SLC4A10: variants seen among roughly 807,000 people sequenced by gnomAD.
SLC4A10 encodes solute carrier family 4 member 10, also known as sodium-driven chloride bicarbonate exchanger.
A neutral mutation model predicts 137.7 loss-of-function variants in SLC4A10; 42 were observed. The observed-to-expected ratio is 0.30, with a 90% CI of 0.24 to 0.39. The LOEUF (loss-of-function observed/expected upper bound fraction) is 0.39. Among genes scored for constraint, SLC4A10 ranks in the 10% least tolerant of loss-of-function variants. The probability of loss-of-function intolerance (pLI) is 1.00; values close to 1 mark genes in which losing one functional copy is unlikely to be tolerated. For missense variants in SLC4A10, 925 were observed against 1,355.0 expected (o/e 0.68, Z 4.98); for synonymous variants, 474 against 464.1 (o/e 1.02, Z -0.27).
chr2:161,710,702 G>A (rs537951020), intron 1 of SLC4A10: 48 of 455,442 alleles, frequency 1.1e-4, no homozygotes, highest in South Asian at 6.7e-4. Flanking sequence ...GGCTGCCTTC[G>A]TTTATACTAT....
chr2:161,764,031 A>G (rs2050539100), intron 1 of SLC4A10, among the ~76,000 whole-genome samples: 1 of 152,132 alleles, frequency 6.6e-6, no homozygotes, highest in Non-Finnish European at 1.5e-5. Flanking sequence ...ATAAACTGGC[A>G]AAAATATAAA....
intron 1 of SLC4A10, among the ~76,000 whole-genome samples, chr2:161,733,906 G>T (rs918164812): frequency 1.3e-5 from 2 of 152,160 alleles, no homozygotes; most frequent in African/African-American, 4.8e-5. Context: ...TTTATGATTT[G>T]ACTGCCCTGA....
chr2:161,666,641 T>C (rs2105753364), intron 1 of SLC4A10, among the ~76,000 whole-genome samples: 1 of 151,874 alleles, frequency 6.6e-6, no homozygotes, highest in South Asian at 2.1e-4. Flanking sequence ...TATGAATAAT[T>C]CATGAGCTAG....
At chr2:161,774,365 T>A (rs1474967404) in intron 2 of SLC4A10, among the ~76,000 whole-genome samples, 1 of 151,964 alleles carries the variant, frequency 6.6e-6, no homozygotes, top group Admixed American at 6.6e-5. Context: ...CTTTTTAGTA[T>A]AGGTACATCC....
Position 161,909,872 on chromosome 2 carries a change from T to C in SLC4A10, c.1997+3985T>C, listed in dbSNP as rs79225049. ...TCTCATGAAGTCCAGATGACACTTT[T>C]AGTGGCTTTCTTGTTACTGTGACCT... On this transcript the variant is annotated intron_variant, in intron 15 of 26. Coordinates refer to ENST00000446997, the MANE Select transcript of SLC4A10 (RefSeq NM_001178015.2). Among the ~76,000 whole-genome samples the C allele has an allele frequency of 5.7e-3, 862 of 152,314 alleles. 30 individuals are homozygous for C. The East Asian group carries it at 0.084, about 15-fold the overall frequency.
chr2:161,732,280 G>T (rs772118754), intron 1 of SLC4A10, among the ~76,000 whole-genome samples: 48 of 152,118 alleles, frequency 3.2e-4, no homozygotes, highest in Non-Finnish European at 6.0e-4. Context: ...TTCTGCCTTG[G>T]TCTTTCCAGT....
chr2:161,914,530 A>G lies in SLC4A10; in HGVS notation c.1997+8643A>G, dbSNP rs186100884. On this transcript the variant is annotated intron_variant, in intron 15 of 26. Coordinates refer to ENST00000446997, the MANE Select transcript of SLC4A10 (RefSeq NM_001178015.2). ...AATATATCACTTCTCTCTTCATTAC[A>G]AATGTAACTGGTATCTTCATGGTCT... 3.0e-3 allele frequency among the ~76,000 whole-genome samples: 453 copies of G among 152,298 alleles called. 8 individuals are homozygous for G. Among genetic ancestry groups the G allele is most frequent in the East Asian group, 0.013 (69 of 5,180 alleles).
At chr2:161,764,285 A>T (rs2050569510) in intron 1 of SLC4A10, among the ~76,000 whole-genome samples, 5 of 152,126 alleles carry the variant, frequency 3.3e-5, no homozygotes. Flanking sequence ...TCTTTTTTTA[A>T]AGAAAGGAGA....
intron 1 of SLC4A10, among the ~76,000 whole-genome samples, chr2:161,652,859 C>CTTTTT (rs10692553): frequency 1.2e-3 from 188 of 151,014 alleles, no homozygotes; most frequent in Non-Finnish European, 2.2e-3. Context: ...ACATTCTTTT[C>CTTTTT]TTTTAAGTAT....
chr2:161,738,414 G>T (rs1470592839), intron 1 of SLC4A10, among the ~76,000 whole-genome samples: 2 of 152,046 alleles, frequency 1.3e-5, no homozygotes, highest in African/African-American at 4.8e-5. Flanking sequence ...GAGGATTTAT[G>T]GACAGAAAAC....
chr2:161,742,939 CT>C (rs1243594725), intron 1 of SLC4A10, among the ~76,000 whole-genome samples: 1 of 152,054 alleles, frequency 6.6e-6, no homozygotes, highest in Non-Finnish European at 1.5e-5. Flanking sequence ...CTACTTAGAT[CT>C]TTTGCCCATT....
In SLC4A10 at chr2:161,860,575, G is replaced by A. The variant is rs1327608837; in HGVS notation, c.578-2299G>A. 2.6e-5 allele frequency among the ~76,000 whole-genome samples: 4 copies of A among 152,190 alleles called. No individual in the cohort carries two copies. In the East Asian group the frequency reaches 5.8e-4, roughly 22 times the overall value. On this transcript the variant is annotated intron_variant, in intron 5 of 26. Coordinates refer to ENST00000446997, the MANE Select transcript of SLC4A10 (RefSeq NM_001178015.2). ...CATCTTAGCAAGGTTTCAGTGTAAT[G>A]TCATATACGTTGACAATTTATTATT...
chr2:161,800,239 G>A (rs184434024), intron 2 of SLC4A10, among the ~76,000 whole-genome samples: 1 of 152,140 alleles, frequency 6.6e-6, no homozygotes, highest in South Asian at 2.1e-4. Flanking sequence ...ATGAATTTTA[G>A]CAGTTTTAGT....
chr2:161,932,561 A>G (rs1690597260), intron 15 of SLC4A10, among the ~76,000 whole-genome samples: 1 of 152,150 alleles, frequency 6.6e-6, no homozygotes, highest in Non-Finnish European at 1.5e-5. Context: ...TATTTCTATT[A>G]GGACTTGCCT....
intron 12 of SLC4A10, among the ~76,000 whole-genome samples, chr2:161,902,468 C>CT (rs2105314817): frequency 6.6e-6 from 1 of 152,022 alleles, no homozygotes; most frequent in Admixed American, 6.5e-5. Context: ...GAAATGATCC[C>CT]TAAAATAAAA....
chr2:161,769,116 A>T (rs2051246695), intron 1 of SLC4A10, among the ~76,000 whole-genome samples: 1 of 151,814 alleles, frequency 6.6e-6, no homozygotes, highest in Admixed American at 6.6e-5. Context: ...AGTATAGCCC[A>T]TTTTTTTGGT....
At chr2:161,662,899 G>C (rs1371862866) in intron 1 of SLC4A10, among the ~76,000 whole-genome samples, 1 of 152,200 alleles carries the variant, frequency 6.6e-6, no homozygotes, top group Non-Finnish European at 1.5e-5. Flanking sequence ...GTAACTGGTT[G>C]ATGAGGATGA....
intron 23 of SLC4A10, among the ~76,000 whole-genome samples, chr2:161,970,605 G>A (rs777407842): frequency 6.6e-6 from 1 of 152,072 alleles, no homozygotes; most frequent in East Asian, 1.9e-4. Context: ...AAGCATATTC[G>A]TGAATATTGG....
At chr2:161,911,015 T>C (rs896578539) in intron 15 of SLC4A10, among the ~76,000 whole-genome samples, 1 of 151,932 alleles carries the variant, frequency 6.6e-6, no homozygotes, top group African/African-American at 2.4e-5. Context: ...ATTTAAAATA[T>C]GTTTAAAATA....
Sources: allele counts gnomAD v4.1 joint callset (sites outside exome capture counted in the v4.1 genomes callset), GRCh38; gene constraint gnomAD v4.1.1; transcripts MANE v1.5; gene names NCBI Gene and HGNC (gene_info 2026-07-23, HGNC 2026-07-21).